Variants in PRKCE observed in about 807,000 individuals in gnomAD.
PRKCE encodes protein kinase C epsilon type.
Under a neutral mutation model 85.4 loss-of-function variants are expected in PRKCE, and 16 were observed. The observed-to-expected ratio is 0.19, with a 90% CI of 0.13 to 0.28. The LOEUF (loss-of-function observed/expected upper bound fraction) is 0.28, where lower values mean the gene tolerates loss of function less well. PRKCE is among the 10% of genes least tolerant of loss of function. The probability of loss-of-function intolerance (pLI) is 1.00; values close to 1 mark genes in which losing one functional copy is unlikely to be tolerated. For synonymous variants in PRKCE, 388 were observed against 371.5 expected (o/e 1.04, Z -0.51); for missense variants, 573 against 975.2 (o/e 0.59, Z 5.49).
chr2:46,088,127 C>T (rs1046994603), intron 11 of PRKCE, among the ~76,000 whole-genome samples: 1 of 152,186 alleles, frequency 6.6e-6, no homozygotes, highest in Non-Finnish European at 1.5e-5. Flanking sequence ...AAGTCACAGG[C>T]TCCACCTTAC....
chr2:46,131,401 A>T (rs564993415), intron 11 of PRKCE, among the ~76,000 whole-genome samples: 1 of 152,234 alleles, frequency 6.6e-6, no homozygotes, highest in African/African-American at 2.4e-5. Flanking sequence ...ATATCAAGCC[A>T]TAAGGGTCCA....
intron 1 of PRKCE, among the ~76,000 whole-genome samples, chr2:45,671,206 C>A (rs146882857): frequency 6.6e-6 from 1 of 152,276 alleles, no homozygotes; most frequent in African/African-American, 2.4e-5. Context: ...TTTGATTCTC[C>A]CATCAAACTT....
chr2:45,685,807 C>CG lies in PRKCE; in HGVS notation c.348+33359_348+33360insG, dbSNP rs543621549. Among the ~76,000 whole-genome samples the CG allele has an allele frequency of 2.2e-3, 339 of 152,244 alleles. 3 individuals carry two copies. Among genetic ancestry groups the CG allele is most frequent in the Non-Finnish European group, 5.4e-4 (37 of 68,022 alleles). On this transcript the variant is annotated intron_variant, in intron 1 of 14. Transcript: ENST00000306156. ...GTATTTGGATAAGCCTGGTGACAGT[C>CG]TGCACACTATAGACTAGAGCACTCT...
In PRKCE at chr2:45,835,769, A is replaced by G. The variant is rs60450298; in HGVS notation, c.349-7231A>G. Among the ~76,000 whole-genome samples, 20 of 150,544 alleles carry G rather than the reference A, an allele frequency of 1.3e-4. 1 individual carries two copies. Among genetic ancestry groups the G allele is most frequent in the African/African-American group, 4.6e-4 (19 of 40,960 alleles). On this transcript the variant is annotated intron_variant, in intron 1 of 14. Coordinates refer to ENST00000306156, the MANE Select transcript of PRKCE (RefSeq NM_005400.3). Reference sequence around the variant, plus strand: ...CCATGCTCAGCTATTTTTTTTTCTTATTTTTTGTAGAGAGAAGGTCTCAGT... The same window carrying G: ...CCATGCTCAGCTATTTTTTTTTCTTGTTTTTTGTAGAGAGAAGGTCTCAGT...
intron 2 of PRKCE, among the ~76,000 whole-genome samples, chr2:45,908,724 A>G (rs1366123907): frequency 6.6e-6 from 1 of 152,194 alleles, no homozygotes; most frequent in East Asian, 1.9e-4. Context: ...TGGATAGGAA[A>G]GACTGGAAGA....
At chr2:46,154,467 AC>A (rs1478325496) in intron 13 of PRKCE, among the ~76,000 whole-genome samples, 1 of 32,114 alleles carries the variant, frequency 3.1e-5, no homozygotes, top group East Asian at 1.2e-3. Flanking sequence ...ACCCCCCCCA[AC>A]CCCCCCGCCC....
intron 11 of PRKCE, among the ~76,000 whole-genome samples, chr2:46,087,913 G>GT (rs1669799457): frequency 6.6e-6 from 1 of 152,146 alleles, no homozygotes; most frequent in African/African-American, 2.4e-5. Context: ...CTTTTCTGCC[G>GT]TAAGTCTCTA....
chr2:45,856,704 C>T (rs991370042), intron 2 of PRKCE, among the ~76,000 whole-genome samples: 1 of 152,204 alleles, frequency 6.6e-6, no homozygotes, highest in Non-Finnish European at 1.5e-5. Flanking sequence ...TCCATCCCCC[C>T]TGACTTCTAT....
chr2:45,929,619 A>C (rs1309007819), intron 2 of PRKCE, among the ~76,000 whole-genome samples: 1 of 152,190 alleles, frequency 6.6e-6, no homozygotes, highest in Non-Finnish European at 1.5e-5. Context: ...TAGAGAACTC[A>C]TATTATCAAA....
chr2:46,086,650 G>A (rs934041237), intron 11 of PRKCE, among the ~76,000 whole-genome samples: 6 of 152,134 alleles, frequency 3.9e-5, no homozygotes, highest in African/African-American at 9.7e-5. Context: ...TGTGACCTTC[G>A]TTTTTCTCTC....
rs530149570 is a variant in PRKCE, at chr2:46,015,684, A to G, written c.1437+5167A>G. Among the ~76,000 whole-genome samples, 15 of 140,614 alleles carry G rather than the reference A, an allele frequency of 1.1e-4. No individual in the cohort carries two copies. In the Admixed American group the frequency reaches 1.1e-3, roughly 10 times the overall value. 92.2% of individuals were successfully genotyped at this position (140,614 alleles called of 152,430 possible). On this transcript the variant is annotated intron_variant, in intron 10 of 14. Transcript: ENST00000306156. Reference sequence around the variant, plus strand: ...GAACTCAACTCTGAAGAACAGAAACACTAAACCAAAAAAAAAAAAAAAAAA... The same window carrying G: ...GAACTCAACTCTGAAGAACAGAAACGCTAAACCAAAAAAAAAAAAAAAAAA...
At chr2:46,153,870 T>C (rs1182223821) in intron 13 of PRKCE, among the ~76,000 whole-genome samples, 2 of 145,886 alleles carry the variant, frequency 1.4e-5, no homozygotes, top group African/African-American at 5.0e-5. Context: ...CACTGCAACT[T>C]CCGCCTCCCG....
intron 2 of PRKCE, among the ~76,000 whole-genome samples, chr2:45,881,885 C>T (rs1388296976): frequency 1.3e-5 from 2 of 152,154 alleles, no homozygotes; most frequent in South Asian, 2.1e-4. Context: ...ACTAGAAGCT[C>T]AGTGGTAGCT....
At chr2:45,955,792 C>T (rs1700931907) in intron 2 of PRKCE, among the ~76,000 whole-genome samples, 1 of 145,458 alleles carries the variant, frequency 6.9e-6, no homozygotes, top group East Asian at 1.9e-4. Context: ...GTTTTTCCCT[C>T]TATTTAAAAA....
At chr2:45,964,824 C>G (rs914392265) in intron 2 of PRKCE, among the ~76,000 whole-genome samples, 3 of 152,196 alleles carry the variant, frequency 2.0e-5, no homozygotes, top group Non-Finnish European at 4.4e-5. Context: ...TCAGTTTACT[C>G]TAATGCTGCT....
At chr2:46,011,645 C>G (rs1484291959) in intron 10 of PRKCE, among the ~76,000 whole-genome samples, 2 of 152,182 alleles carry the variant, frequency 1.3e-5, no homozygotes, top group Non-Finnish European at 2.9e-5. Context: ...AACGTAACCT[C>G]TCTTAGTCTC....
chr2:46,025,758 G>T lies in PRKCE; in HGVS notation c.1437+15241G>T, dbSNP rs1201538323. 2.0e-5 allele frequency among the ~76,000 whole-genome samples: 3 copies of T among 152,220 alleles called. No homozygotes were observed. In the East Asian group the frequency reaches 5.8e-4, roughly 29 times the overall value. ...CATCTGATTCAAGGAAATTGGCTTT[G>T]TAGGGTTGTTATTGTGTGAAAAGGA... On this transcript the variant is annotated intron_variant, in intron 10 of 14. Transcript: ENST00000306156.
chr2:46,015,633 C>T (rs1192133421), intron 10 of PRKCE, among the ~76,000 whole-genome samples: 1 of 136,692 alleles, frequency 7.3e-6, no homozygotes, highest in Non-Finnish European at 1.5e-5. Flanking sequence ...GTGTTAACAA[C>T]GTAGGAGCAA....
At chr2:46,169,872 G>C (rs967187097) in intron 14 of PRKCE, among the ~76,000 whole-genome samples, 1 of 152,170 alleles carries the variant, frequency 6.6e-6, no homozygotes, top group Non-Finnish European at 1.5e-5. Context: ...TTGTATCACA[G>C]GCAGTGAGCT....
Sources: gnomAD v4.1 joint callset for allele counts (sites outside exome capture counted in the v4.1 genomes callset) on GRCh38, gnomAD v4.1.1 for gene constraint, MANE v1.5 for transcripts, NCBI Gene and HGNC (gene_info 2026-07-23, HGNC 2026-07-21) for gene names.